WWTR1: variants seen among roughly 807,000 people sequenced by gnomAD.
WWTR1 encodes the protein WW domain-containing transcription regulator protein 1.
In WWTR1, 13 loss-of-function variants were observed where a neutral mutation model predicts 40.1. The ratio of observed to expected loss-of-function variants is 0.32; its 90% CI spans 0.21 to 0.52. The LOEUF (loss-of-function observed/expected upper bound fraction) is 0.52. WWTR1 is among the 20% of genes least tolerant of loss of function. The pLI is 0.97. For missense variants in WWTR1, 436 were observed against 523.1 expected (o/e 0.83, Z 1.63); for synonymous variants, 230 against 210.1 (o/e 1.09, Z -0.82).
At chr3:149,686,579 G>A (rs375212475) in intron 1 of WWTR1, among the ~76,000 whole-genome samples, 31 of 152,174 alleles carry the variant, frequency 2.0e-4, no homozygotes, top group East Asian at 7.7e-4. Flanking sequence ...CTTTCCCAAA[G>A]ACCTCCTAGG....
chr3:149,665,786 A>G lies in WWTR1; in HGVS notation c.-4+4002T>C, dbSNP rs368131581. Among the ~76,000 whole-genome samples the G allele has an allele frequency of 2.6e-5, 4 of 152,234 alleles. No individual in the cohort carries two copies. The East Asian group carries it at 7.7e-4, about 29-fold the overall frequency. ...ATTATATTAAAAACTATGTAGAAAT[A>G]AAAAGATAAATATTTCTCTTTGTGT... On this transcript the variant is annotated intron_variant, in intron 2 of 7. Coordinates refer to the WWTR1 transcript ENST00000465804.
intron 4 of WWTR1, among the ~76,000 whole-genome samples, chr3:149,536,825 A>T (rs1735863451): frequency 6.6e-6 from 1 of 151,764 alleles, no homozygotes; most frequent in African/African-American, 2.4e-5. Context: ...GGGAATAATG[A>T]TTTCTCTACA....
rs1734937129 is a variant in WWTR1, at chr3:149,519,417, GT to G, written c.*1387del. On this transcript the variant is annotated 3_prime_UTR_variant, in exon 7 of 7. Coordinates refer to ENST00000360632, the MANE Select transcript of WWTR1 (RefSeq NM_015472.6). ...AGTCAGAGATCTGCTTCATCCTTCA[GT>G]TTCATAGATAGAATTATTTTAAACA... The G allele has an allele frequency of 6.6e-6, 1 of 152,138 alleles. No homozygotes were observed. Among genetic ancestry groups the G allele is most frequent in the Non-Finnish European group, 1.5e-5 (1 of 68,038 alleles). 9.4% of individuals were successfully genotyped at this position (152,138 alleles called of 1,614,324 possible).
In WWTR1 at chr3:149,526,038, G is replaced by A. The variant is rs1415031829; in HGVS notation, c.993C>T (p.Leu331=). ...CTGTATCCATCTCATCCACATTGCT[G>A]AGGAAGTCCTCCGGAGTTGTGGGGA... is the stretch of plus-strand genomic sequence containing the variant. ...YSVPTTPEDF[L]SNVDEMDTGE... The change falls in exon 6 of 7, where the codon CTC becomes CTT. Residue 331 remains leucine, a synonymous_variant. Coordinates refer to ENST00000360632, the MANE Select transcript of WWTR1 (RefSeq NM_015472.6). 2 of 1,606,480 alleles carry A rather than the reference G, an allele frequency of 1.2e-6. No homozygotes were observed. Among genetic ancestry groups the A allele is most frequent in the Admixed American group, 1.7e-5 (1 of 59,200 alleles).
chr3:149,527,359 C>T (rs1735368183), intron 5 of WWTR1, among the ~76,000 whole-genome samples: 1 of 152,008 alleles, frequency 6.6e-6, no homozygotes, highest in African/African-American at 2.4e-5. Flanking sequence ...GTTGGTCAGG[C>T]TGGTCTCGAA....
chr3:149,556,097 C>A (rs1736815527), intron 3 of WWTR1, among the ~76,000 whole-genome samples: 1 of 152,222 alleles, frequency 6.6e-6, no homozygotes, highest in African/African-American at 2.4e-5. Flanking sequence ...GGGCCGGGAC[C>A]AGGTCCCTTG....
intron 2 of WWTR1, among the ~76,000 whole-genome samples, chr3:149,582,236 A>C (rs1738180410): frequency 6.6e-6 from 1 of 152,106 alleles, no homozygotes; most frequent in Non-Finnish European, 1.5e-5. Flanking sequence ...AAACTGAGCA[A>C]AATTCTTGCT....
chr3:149,650,840 T>G (rs1459869177), intron 2 of WWTR1, among the ~76,000 whole-genome samples: 3 of 152,228 alleles, frequency 2.0e-5, no homozygotes, highest in Non-Finnish European at 4.4e-5. Flanking sequence ...CTCTAACTCC[T>G]TATTTTAAAC....
At chr3:149,524,923 C>A (rs532396715) in intron 6 of WWTR1, among the ~76,000 whole-genome samples, 2 of 152,198 alleles carry the variant, frequency 1.3e-5, no homozygotes, top group Non-Finnish European at 2.9e-5. Flanking sequence ...ATAGTGGACA[C>A]CCTGGCTGTC....
chr3:149,655,632 A>G (rs1713166956), intron 2 of WWTR1, among the ~76,000 whole-genome samples: 1 of 152,178 alleles, frequency 6.6e-6, no homozygotes, highest in African/African-American at 2.4e-5. Context: ...CATTACACCA[A>G]TCTCAGAAAC....
chr3:149,721,771 C>G (rs1715762330), intron 4 of WWTR1, among the ~76,000 whole-genome samples: 1 of 152,068 alleles, frequency 6.6e-6, no homozygotes, highest in Non-Finnish European at 1.5e-5. Flanking sequence ...CTTATGTTGC[C>G]CAGGCTGGTC....
intron 5 of WWTR1, among the ~76,000 whole-genome samples, chr3:149,714,023 C>T (rs959079028): frequency 6.6e-6 from 1 of 152,238 alleles, no homozygotes; most frequent in Admixed American, 6.5e-5. Flanking sequence ...CCAGATCCCA[C>T]CGCTCTGGCA....
chr3:149,614,018 A>G (rs1417016514), intron 2 of WWTR1, among the ~76,000 whole-genome samples: 10 of 152,198 alleles, frequency 6.6e-5, no homozygotes, highest in Non-Finnish European at 1.3e-4. Context: ...TCCATTACTA[A>G]CACTTCAGTA....
intron 3 of WWTR1, among the ~76,000 whole-genome samples, chr3:149,572,546 C>T (rs1445635799): frequency 2.0e-5 from 3 of 151,996 alleles, no homozygotes; most frequent in Admixed American, 6.6e-5. Context: ...AAGAAAAAGC[C>T]GGCAGAAGGG....
intron 2 of WWTR1, among the ~76,000 whole-genome samples, chr3:149,586,697 G>A (rs1467930782): frequency 6.6e-6 from 1 of 152,162 alleles, no homozygotes; most frequent in Non-Finnish European, 1.5e-5. Flanking sequence ...GGGGCTGGTT[G>A]CCAGGGGGAA....
At chr3:149,637,692 T>C (rs932712203) in intron 2 of WWTR1, among the ~76,000 whole-genome samples, 5 of 152,160 alleles carry the variant, frequency 3.3e-5, no homozygotes, top group Admixed American at 2.0e-4. Flanking sequence ...GACACTCTGA[T>C]GGACAGTAGA....
chr3:149,599,965 TA>T (rs1484795396), intron 2 of WWTR1, among the ~76,000 whole-genome samples: 1 of 152,150 alleles, frequency 6.6e-6, no homozygotes, highest in African/African-American at 2.4e-5. Context: ...CAACAATTTG[TA>T]AAAATGAATA....
At chr3:149,618,346 G>A (rs1740106049) in intron 2 of WWTR1, among the ~76,000 whole-genome samples, 2 of 152,154 alleles carry the variant, frequency 1.3e-5, no homozygotes, top group African/African-American at 2.4e-5. Context: ...CTGAGGCGCT[G>A]GTACCAAGCT....
At chr3:149,594,935 A>G (rs1454915008) in intron 2 of WWTR1, among the ~76,000 whole-genome samples, 1 of 142,708 alleles carries the variant, frequency 7.0e-6, no homozygotes, top group East Asian at 2.0e-4. Flanking sequence ...CATATTGCCT[A>G]TAACCTCTTT....
Sources: gnomAD v4.1 joint callset for allele counts (sites outside exome capture counted in the v4.1 genomes callset) on GRCh38, gnomAD v4.1.1 for gene constraint, MANE v1.5 for transcripts, NCBI Gene and HGNC (gene_info 2026-07-23, HGNC 2026-07-21) for gene names.